Variants in PTPRZ1 observed in about 807,000 individuals in gnomAD.
The protein encoded by PTPRZ1 is receptor-type tyrosine-protein phosphatase zeta.
In PTPRZ1, 82 loss-of-function variants were observed where a neutral mutation model predicts 214.1. The observed-to-expected ratio is 0.38, with a 90% CI of 0.32 to 0.46. The LOEUF is 0.46. Among genes scored for constraint, PTPRZ1 ranks in the 20% least tolerant of loss-of-function variants. The pLI is 1.00. For missense variants in PTPRZ1, 2,603 were observed against 2,748.7 expected (o/e 0.95, Z 1.19); for synonymous variants, 945 against 987.9 (o/e 0.96, Z 0.81).
intron 1 of PTPRZ1, among the ~76,000 whole-genome samples, chr7:121,912,269 T>C (rs1267278318): frequency 6.6e-6 from 1 of 152,216 alleles, no homozygotes; most frequent in African/African-American, 2.4e-5. Flanking sequence ...TATCCACTGT[T>C]CTTTGATAGC....
Position 122,034,090 on chromosome 7 carries a change from A to G in PTPRZ1, c.5167-5A>G, listed in dbSNP as rs950208913. The G allele has an allele frequency of 1.3e-6, 2 of 1,592,812 alleles. No homozygotes were observed. The highest frequency in any genetic ancestry group is 1.7e-6 in the Non-Finnish European group (2 of 1,161,330). On this transcript the variant is annotated splice_region_variant and splice_polypyrimidine_tract_variant and intron_variant, in intron 15 of 29. Coordinates refer to ENST00000393386, the MANE Select transcript of PTPRZ1 (RefSeq NM_002851.3). ...TTACTTTTTTGGCATTCATTCCCTC[A>G]TTAGACACTGAAAGAGTTTTACCAG...
chr7:121,885,152 G>T (rs1794361019), intron 1 of PTPRZ1, among the ~76,000 whole-genome samples: 2 of 152,174 alleles, frequency 1.3e-5, no homozygotes, highest in Non-Finnish European at 2.9e-5. Context: ...AGTAGGAAAA[G>T]ATATAAGCAA....
chr7:121,973,926 G>C (rs984170215), intron 4 of PTPRZ1, among the ~76,000 whole-genome samples: 3 of 114,220 alleles, frequency 2.6e-5, no homozygotes, highest in African/African-American at 1.1e-4. Context: ...GGAGTGAGAC[G>C]CTGTCTCAAA....
At chr7:121,888,035 A>G (rs1794452545) in intron 1 of PTPRZ1, among the ~76,000 whole-genome samples, 1 of 152,120 alleles carries the variant, frequency 6.6e-6, no homozygotes, top group African/African-American at 2.4e-5. Flanking sequence ...CAATAGCTGT[A>G]TTGTCAGCAT....
At chr7:122,015,174 C>T (rs1798808680) in intron 12 of PTPRZ1, among the ~76,000 whole-genome samples, 1 of 152,108 alleles carries the variant, frequency 6.6e-6, no homozygotes, top group Non-Finnish European at 1.5e-5. Flanking sequence ...TTGAATTGGT[C>T]ATAAGAATTT....
intron 2 of PTPRZ1, among the ~76,000 whole-genome samples, chr7:121,949,234 G>A (rs986593204): frequency 6.6e-6 from 1 of 152,162 alleles, no homozygotes; most frequent in Non-Finnish European, 1.5e-5. Context: ...CTCCCCAAAG[G>A]AGACAATCAG....
chr7:122,013,114 T>C lies in PTPRZ1; in HGVS notation c.4068T>C (p.Ala1356=). Residue 1356 remains alanine, a synonymous_variant, in exon 12 of 30, where the codon GCT becomes GCC. Transcript: ENST00000393386. Reference sequence around the variant, plus strand: ...TATTTGCTGGTATTCCAACAGTTGCTTCTGATACATTTGTATCTACTGATC... The same window carrying C: ...TATTTGCTGGTATTCCAACAGTTGCCTCTGATACATTTGTATCTACTGATC... ...GKVFAGIPTV[A]SDTFVSTDHS... 6.2e-7 allele frequency: 1 copy of C among 1,614,080 alleles called. No individual in the cohort carries two copies. Among genetic ancestry groups the C allele is most frequent in the South Asian group, 1.1e-5 (1 of 91,088 alleles).
intron 2 of PTPRZ1, among the ~76,000 whole-genome samples, chr7:121,960,974 T>C (rs1796858567): frequency 6.6e-6 from 1 of 152,122 alleles, no homozygotes; most frequent in Non-Finnish European, 1.5e-5. Context: ...CAAACGTTGA[T>C]TTAATTCTTA....
At chr7:121,961,736 C>T (rs1796885800) in intron 2 of PTPRZ1, among the ~76,000 whole-genome samples, 2 of 152,160 alleles carry the variant, frequency 1.3e-5, no homozygotes, top group African/African-American at 2.4e-5. Context: ...ATGCCAGACT[C>T]AGAGTTTGGC....
intron 14 of PTPRZ1, among the ~76,000 whole-genome samples, chr7:122,028,846 T>C (rs1799285466): frequency 6.6e-6 from 1 of 152,114 alleles, no homozygotes; most frequent in Non-Finnish European, 1.5e-5. Context: ...ACGTTCTTAA[T>C]CATACAGATG....
chr7:122,012,443 C>A lies in PTPRZ1; in HGVS notation c.3397C>A (p.Gln1133Lys). The A allele has an allele frequency of 6.2e-7, 1 of 1,613,538 alleles. No individual in the cohort carries two copies. The highest frequency in any genetic ancestry group is 1.1e-5 in the South Asian group (1 of 91,070). ...AGTTCAACCTACACATACTGTCTCT[C>A]AAGCATCTGGTGACACTTCGCTTAA... ...FSVQPTHTVS[Q>K]ASGDTSLKPV... is the part of the protein sequence containing the mutation. The change falls in exon 12 of 30, where the codon CAA (glutamine) becomes AAA (lysine). Residue 1133 changes from glutamine (Q) to lysine (K), a missense_variant. By Grantham distance (53) the Gln-to-Lys change is moderately conservative (BLOSUM62 1). Transcript: ENST00000393386.
chr7:122,012,234 T>G lies in PTPRZ1; in HGVS notation c.3188T>G (p.Val1063Gly), dbSNP rs750687472. ...ELQIPSFNEM[V>G]YPSESTVMPN... ...CAAATTCCTTCTTTCAATGAGATGG[T>G]TTACCCTTCTGAAAGCACAGTCATG... is the stretch of plus-strand genomic sequence containing the variant. Residue 1063 changes from valine to glycine, a missense_variant, in exon 12 of 30, where the codon GTT becomes GGT. Coordinates refer to ENST00000393386, the MANE Select transcript of PTPRZ1 (RefSeq NM_002851.3). 1 of 1,613,956 alleles carries G rather than the reference T, an allele frequency of 6.2e-7. No homozygotes were observed. Among genetic ancestry groups the G allele is most frequent in the Non-Finnish European group, 8.5e-7 (1 of 1,179,850 alleles).
In PTPRZ1 at chr7:122,011,694, C is replaced by G; in HGVS notation, c.2648C>G (p.Thr883Ser). The part of the protein sequence containing the change: ...LAQYSDVLST[T>S]HAASETLEFG... ...CAGTATTCTGATGTGCTGTCCACTA[C>G]TCATGCTGCTTCAGAGACGCTGGAA... is the stretch of plus-strand genomic sequence containing the variant. Residue 883 changes from threonine to serine, a missense_variant, in exon 12 of 30, where the codon ACT becomes AGT. By Grantham distance (58) the Thr-to-Ser change is moderately conservative (BLOSUM62 1). Around this residue, in one of 6 missense-constraint regions of PTPRZ1, gnomAD observed 1,913 missense variants for 1,914.3 expected, o/e 1.00. Transcript: ENST00000393386. 1 of 1,614,114 alleles carries G rather than the reference C, an allele frequency of 6.2e-7. No individual in the cohort carries two copies. Among genetic ancestry groups the G allele is most frequent in the Non-Finnish European group, 8.5e-7 (1 of 1,180,024 alleles).
chr7:122,049,438 T>C (rs1004976749), intron 23 of PTPRZ1, among the ~76,000 whole-genome samples: 4 of 152,038 alleles, frequency 2.6e-5, no homozygotes, highest in Non-Finnish European at 5.9e-5. Context: ...TAATTTTCTT[T>C]AGTTAGAGTT....
chr7:121,900,620 A>C (rs1014440615), intron 1 of PTPRZ1, among the ~76,000 whole-genome samples: 8 of 152,230 alleles, frequency 5.3e-5, no homozygotes, highest in African/African-American at 1.9e-4. Context: ...ATAGTGGTTC[A>C]TCTCTAGGAT....
chr7:121,981,480 G>A (rs1584708048), intron 6 of PTPRZ1, among the ~76,000 whole-genome samples: 1 of 152,204 alleles, frequency 6.6e-6, no homozygotes, highest in South Asian at 2.1e-4. Flanking sequence ...CTTGCACTGG[G>A]CTGGGTAGTT....
intron 13 of PTPRZ1, among the ~76,000 whole-genome samples, chr7:122,025,725 A>G (rs1317085803): frequency 6.6e-6 from 1 of 152,184 alleles, no homozygotes; most frequent in Non-Finnish European, 1.5e-5. Flanking sequence ...TTAGGAAATG[A>G]AAGGCCATTT....
At chr7:122,053,380 C>G (rs1792249350) in intron 25 of PTPRZ1, among the ~76,000 whole-genome samples, 1 of 152,128 alleles carries the variant, frequency 6.6e-6, no homozygotes, top group Non-Finnish European at 1.5e-5. Context: ...GAAATGGTCA[C>G]TATGGAGCAG....
intron 1 of PTPRZ1, among the ~76,000 whole-genome samples, chr7:121,919,109 A>G (rs960836383): frequency 5.3e-5 from 8 of 151,954 alleles, no homozygotes; most frequent in East Asian, 1.9e-4. Context: ...ACCCTTGTCA[A>G]CTCACTTCCC....
Sources: gnomAD v4.1 joint callset for allele counts (sites outside exome capture counted in the v4.1 genomes callset) on GRCh38, gnomAD v4.1.1 for gene constraint, gnomAD v4.1.1 regional missense constraint, MANE v1.5 for transcripts, NCBI Gene and HGNC (gene_info 2026-07-23, HGNC 2026-07-21) for gene names.